Variants in DST observed in about 807,000 individuals in gnomAD.
The protein encoded by DST is dystonin.
In DST, 253 loss-of-function variants were observed where a neutral mutation model predicts 875.2. That is an observed-to-expected ratio of 0.29 (90% confidence interval 0.26 to 0.32). The LOEUF is 0.32. Ranked by LOEUF, DST falls within the 10% of genes least tolerant of loss-of-function variation. The probability of loss-of-function intolerance (pLI) is 1.00; values close to 1 mark genes in which losing one functional copy is unlikely to be tolerated. For synonymous variants in DST, 3,124 were observed against 3,197.1 expected, an observed-to-expected ratio of 0.98 and a Z score of 0.77; for missense variants, 8,287 against 9,111.6, an observed-to-expected ratio of 0.91 and a Z score of 3.68.
chr6:56,928,769 T>C (rs1331160705), intron 2 of DST, among the ~76,000 whole-genome samples: 1 of 151,966 alleles, frequency 6.6e-6, no homozygotes, highest in Non-Finnish European at 1.5e-5. Flanking sequence ...ACCAATAGCT[T>C]CACTTACAGA....
chr6:56,475,315 C>CT (rs1423394129), intron 92 of DST, among the ~76,000 whole-genome samples: 2 of 151,856 alleles, frequency 1.3e-5, no homozygotes, highest in Non-Finnish European at 2.9e-5. Flanking sequence ...CTGAAGAACT[C>CT]TAATACCTCT....
intron 61 of DST, 150 bp downstream of exon 61, chr6:56,552,034 G>T: frequency 1.2e-6 from 1 of 850,052 alleles, no homozygotes; most frequent in Non-Finnish European, 1.8e-6. Flanking sequence ...CCACCTGCCT[G>T]GGTGTTACCC....
Position 56,460,210 on chromosome 6 carries a change from T to A in DST, c.23115A>T (p.Leu7705Phe), listed in dbSNP as rs780195917. ...QGSKLRLPGY[L>F]SGKGFHSGED... ...CCCCAGAGTGGAAGCCTTTCCCTGA[T>A]AAATATCCTGGAAGTCGAAGCTTGC... is the stretch of plus-strand genomic sequence containing the variant. Residue 7705 changes from leucine to phenylalanine, a missense_variant, in exon 103 of 104, where the codon TTA becomes TTT. Physicochemically the swap from Leu to Phe is conservative, Grantham distance 22. This residue lies in a region of DST where 240 missense variants were observed against 237.3 expected (regional missense o/e 1.01). Coordinates refer to ENST00000680361, the MANE Select transcript of DST (RefSeq NM_001374736.1). The A allele has an allele frequency of 1.9e-6, 3 of 1,614,006 alleles. No homozygotes were observed. The highest frequency in any genetic ancestry group is 4.5e-5 in the East Asian group (2 of 44,884).
At chr6:56,601,878 A>C in intron 43 of DST, 1 of 486,720 alleles carries the variant, frequency 2.1e-6, no homozygotes, top group Non-Finnish European at 3.6e-6. Context: ...GGTAGTTAGT[A>C]TTATATAAAA....
chr6:56,572,005 T>C (rs2097788071), intron 53 of DST, 95 bp downstream of exon 53: 2 of 626,890 alleles, frequency 3.2e-6, no homozygotes, highest in Admixed American at 8.2e-5. Flanking sequence ...TCTCAAGTTT[T>C]CAAAATTGTT....
chr6:56,476,479 T>C, intron 91 of DST, 142 bp from the exon 92 acceptor site: 1 of 678,158 alleles, frequency 1.5e-6, no homozygotes, highest in Middle Eastern at 3.4e-4. Flanking sequence ...TAGATTCCAT[T>C]AGTGGCATCA....
At chr6:56,800,537 G>A (rs2099745456) in intron 4 of DST, among the ~76,000 whole-genome samples, 2 of 152,120 alleles carry the variant, frequency 1.3e-5, no homozygotes, top group Non-Finnish European at 2.9e-5. Context: ...ATCCTAGGAT[G>A]AGAACATCCC....
chr6:56,741,164 A>G (rs1227222061), intron 4 of DST, among the ~76,000 whole-genome samples: 1 of 152,214 alleles, frequency 6.6e-6, no homozygotes, highest in African/African-American at 2.4e-5. Context: ...GATTTAATCA[A>G]ATAATTTACC....
intron 4 of DST, among the ~76,000 whole-genome samples, chr6:56,809,556 C>G (rs1432853892): frequency 6.6e-6 from 1 of 152,154 alleles, no homozygotes; most frequent in Non-Finnish European, 1.5e-5. Context: ...TATACTATCT[C>G]TCATAGTTCT....
chr6:56,602,413 T>C (rs1405800989), intron 43 of DST, among the ~76,000 whole-genome samples: 1 of 151,972 alleles, frequency 6.6e-6, no homozygotes, highest in African/African-American at 2.4e-5. Context: ...GTATATCATA[T>C]AGCCTAGGTG....
Position 56,607,996 on chromosome 6 carries a change from A to G in DST, c.6632T>C (p.Met2211Thr), listed in dbSNP as rs766297390. 4 of 1,613,486 alleles carry G rather than the reference A, an allele frequency of 2.5e-6. No individual in the cohort carries two copies. The highest frequency in any genetic ancestry group is 2.2e-5 in the East Asian group (1 of 44,844). ...AAGCCTTTGCCCTGTGTTTGCATCC[A>G]TATAGCTATTTATCATTAAATAAGA... ...FLSYLMINSYMDANTGQRLLL... is the reference protein window; with the variant it reads ...FLSYLMINSYTDANTGQRLLL... The change falls in exon 40 of 104, where the codon ATG (methionine) becomes ACG (threonine). Residue 2211 changes from methionine to threonine, a missense_variant. Around this residue, in one of 10 missense-constraint regions of DST, gnomAD observed 3,138 missense variants for 3,116.6 expected, o/e 1.01. Transcript: ENST00000680361.
At chr6:56,778,353 CTTT>C (rs756542657) in intron 4 of DST, among the ~76,000 whole-genome samples, 1 of 109,990 alleles carries the variant, frequency 9.1e-6, no homozygotes, top group Non-Finnish European at 2.0e-5. Context: ...ATTCTTTTCT[CTTT>C]TTTTTTTTTT....
chr6:56,921,724 G>C (rs1469223238), intron 2 of DST, among the ~76,000 whole-genome samples: 1 of 152,062 alleles, frequency 6.6e-6, no homozygotes, highest in Non-Finnish European at 1.5e-5. Context: ...TATACATATT[G>C]AGTGTGCATG....
At chr6:56,596,438 T>C (rs371146480) in intron 47 of DST, among the ~76,000 whole-genome samples, 113 of 152,330 alleles carry the variant, frequency 7.4e-4, no homozygotes, top group African/African-American at 2.5e-3. Flanking sequence ...GATATCTTTA[T>C]GTTTAAGTCT....
intron 4 of DST, among the ~76,000 whole-genome samples, chr6:56,789,790 T>G (rs1350702912): frequency 6.6e-6 from 1 of 152,236 alleles, no homozygotes; most frequent in Non-Finnish European, 1.5e-5. Flanking sequence ...TTTCCTTCCT[T>G]TTTAAGGCTG....
chr6:56,610,788 T>G (rs750915077), intron 38 of DST, among the ~76,000 whole-genome samples: 2 of 152,174 alleles, frequency 1.3e-5, no homozygotes, highest in Non-Finnish European at 2.9e-5. Flanking sequence ...TGTAAACTAA[T>G]GTATTGACCC....
chr6:56,636,492 A>G (rs887531144), intron 23 of DST, 65 bp downstream of exon 23: 2 of 1,266,070 alleles, frequency 1.6e-6, no homozygotes, highest in Non-Finnish European at 2.3e-6. Context: ...AATTATGAAA[A>G]AGATTCCTGC....
At chr6:56,473,017 T>C (rs1000415108) in intron 93 of DST, among the ~76,000 whole-genome samples, 4 of 152,252 alleles carry the variant, frequency 2.6e-5, no homozygotes, top group African/African-American at 9.6e-5. Context: ...TTTAACTATA[T>C]GCCTGGAAGT....
At chr6:56,693,167 A>C in intron 9 of DST, 1 of 1,266,960 alleles carries the variant, frequency 7.9e-7, no homozygotes, top group South Asian at 1.3e-5. Flanking sequence ...GTAGGAGATC[A>C]CAGCTCCATA....
Sources: allele counts gnomAD v4.1 joint callset (sites outside exome capture counted in the v4.1 genomes callset), GRCh38; gene constraint gnomAD v4.1.1; regional missense constraint gnomAD v4.1.1; transcripts MANE v1.5; gene names NCBI Gene and HGNC (gene_info 2026-07-23, HGNC 2026-07-21).